Variants in GLP1R observed in about 807,000 individuals in gnomAD.
The protein encoded by GLP1R is glucagon like peptide 1 receptor.
Under a neutral mutation model 68.4 loss-of-function variants are expected in GLP1R, and 32 were observed. The observed-to-expected ratio is 0.47, with a 90% CI of 0.35 to 0.63. The LOEUF is 0.63. Among genes scored for constraint, GLP1R ranks in the 20% least tolerant of loss-of-function variants. The pLI is 0.00. For synonymous variants in GLP1R, 263 were observed against 244.4 expected (o/e 1.08, Z -0.71); for missense variants, 502 against 594.9 (o/e 0.84, Z 1.62).
chr6:39,052,625 G>A (rs1436550333), intron 1 of GLP1R, among the ~76,000 whole-genome samples: 2 of 152,088 alleles, frequency 1.3e-5, no homozygotes, highest in Non-Finnish European at 2.9e-5. Context: ...TTCCTGGGGT[G>A]TTGGAAAGCC....
At position 39,086,188 on chromosome 6, in the gene GLP1R, CACACACACACACACACAT is replaced by C. The variant is rs1769141979; in HGVS notation, c.*119_*136del. Reference sequence around the variant, plus strand: ...AGGGACACACACACACACACACACACACACACACACACACACATACATCCTGCTTTCCCTCCCCAAACC... The same window carrying C: ...AGGGACACACACACACACACACACACACATCCTGCTTTCCCTCCCCAAACC... On this transcript the variant is annotated 3_prime_UTR_variant, in exon 13 of 13. Coordinates refer to ENST00000373256, the MANE Select transcript of GLP1R (RefSeq NM_002062.5). This position sits in a 1 kb window ranked among gnomAD's most constrained non-coding sequence, Gnocchi z 4.5. 4 of 712,916 alleles carry C rather than the reference CACACACACACACACACAT, an allele frequency of 5.6e-6. No homozygotes were observed. The highest frequency in any genetic ancestry group is 5.5e-5 in the East Asian group (2 of 36,502). 44.2% of individuals were successfully genotyped at this position (712,916 alleles called of 1,614,324 possible). A position where few individuals can be genotyped will look rare whatever the true frequency, so the allele number is the denominator to read the frequency against.
Position 39,048,796 on chromosome 6 carries a change from C to G in GLP1R, c.-45C>G. ...CCAGCCCGGGATCAGTCTCCGCACG[C>G]GGTTCCGCAGGTGGCAGCGATGGCC... On this transcript the variant is annotated 5_prime_UTR_variant, in exon 1 of 13. Transcript: ENST00000373256. 1 of 901,402 alleles carries G rather than the reference C, an allele frequency of 1.1e-6. No individual in the cohort carries two copies. The highest frequency in any genetic ancestry group is 1.7e-6 in the Non-Finnish European group (1 of 585,282). 55.8% of individuals were successfully genotyped at this position (901,402 alleles called of 1,614,324 possible). A position where few individuals can be genotyped will look rare whatever the true frequency, so the allele number is the denominator to read the frequency against.
intron 3 of GLP1R, among the ~76,000 whole-genome samples, chr6:39,061,334 T>G (rs1239421622): frequency 1.3e-5 from 2 of 152,198 alleles, no homozygotes; most frequent in African/African-American, 2.4e-5. Flanking sequence ...GCAGCCTCGT[T>G]TACCCACAAA....
At position 39,060,038 on chromosome 6, in the gene GLP1R, T is replaced by C. The variant is rs111485650; in HGVS notation, c.283+2459T>C. On this transcript the variant is annotated intron_variant, in intron 3 of 12. Transcript: ENST00000373256. ...CTAATTTACTCCCTTTTTTGACACTTGGAATCACCGACTCTGCTGCCCTCT... is the reference window on the plus strand; with the variant it reads ...CTAATTTACTCCCTTTTTTGACACTCGGAATCACCGACTCTGCTGCCCTCT... Among the ~76,000 whole-genome samples, 494 of 152,194 alleles carry C rather than the reference T, an allele frequency of 3.2e-3. 5 individuals are homozygous for C. The highest frequency in any genetic ancestry group is 0.017 in the Middle Eastern group (5 of 294).
chr6:39,080,494 G>A (rs1382605958), intron 11 of GLP1R, among the ~76,000 whole-genome samples: 1 of 152,234 alleles, frequency 6.6e-6, no homozygotes, highest in East Asian at 1.9e-4. Context: ...CCTGTAGCCA[G>A]GCCTAGTCGC....
chr6:39,059,020 C>T lies in GLP1R; in HGVS notation c.283+1441C>T, dbSNP rs10305450. On this transcript the variant is annotated intron_variant, in intron 3 of 12. Coordinates refer to ENST00000373256, the MANE Select transcript of GLP1R (RefSeq NM_002062.5). The stretch of plus-strand genomic sequence containing the variant: ...GCCCAATGTAAGCTTCACCTTGGCA[C>T]GTGGGACTGAAGTCAGATGAGGCCC... Among the ~76,000 whole-genome samples, 947 of 152,278 alleles carry T rather than the reference C, an allele frequency of 6.2e-3. 9 individuals are homozygous for T. Among genetic ancestry groups the T allele is most frequent in the African/African-American group, 0.022 (915 of 41,550 alleles).
Position 39,066,289 on chromosome 6 carries a change from C to A in GLP1R, c.495C>A (p.Ile165=), listed in dbSNP as rs201911640. 6.2e-7 allele frequency: 1 copy of A among 1,602,996 alleles called. No homozygotes were observed. Among genetic ancestry groups the A allele is most frequent in the Non-Finnish European group, 8.5e-7 (1 of 1,169,860 alleles). Residue 165 remains isoleucine, a synonymous_variant, in exon 5 of 13, where the codon ATC becomes ATA. Transcript: ENST00000373256. ...SFSALVIASA[I]LLGFRHLHCT... ...CTGCTCTGGTTATCGCCTCTGCGAT[C>A]CTCCTCGGCTTCAGGTAAGGTGGCC... is the stretch of plus-strand genomic sequence containing the variant.
chr6:39,077,223 C>G (rs1444663785), intron 7 of GLP1R, among the ~76,000 whole-genome samples: 1 of 152,198 alleles, frequency 6.6e-6, no homozygotes, highest in African/African-American at 2.4e-5. Context: ...CATATAGAAA[C>G]TTCCTTCTTG....
intron 7 of GLP1R, among the ~76,000 whole-genome samples, chr6:39,074,576 AC>A (rs1351657585): frequency 1.3e-5 from 2 of 151,654 alleles, no homozygotes; most frequent in Non-Finnish European, 2.9e-5. Context: ...CCTGTTCCAC[AC>A]CATCCCCCGC....
At chr6:39,077,497 C>T (rs921854356) in intron 7 of GLP1R, among the ~76,000 whole-genome samples, 8 of 152,180 alleles carry the variant, frequency 5.3e-5, no homozygotes, top group African/African-American at 1.7e-4. Flanking sequence ...CTGGTTTCCC[C>T]CAGAGCAAGT....
rs770044835 is a variant in GLP1R at position 39,086,067 on chromosome 6, C to CAGCTGAG, written c.1388_*2dup. 8.7e-6 allele frequency: 14 copies of CAGCTGAG among 1,613,606 alleles called. No individual in the cohort carries two copies. The highest frequency in any genetic ancestry group is 1.0e-5 in the Non-Finnish European group (12 of 1,179,822). On this transcript the variant is annotated stop_gained and frameshift_variant, in exon 13 of 13. Transcript: ENST00000373256. LOFTEE classifies it high-confidence loss of function. The surrounding 1 kb of genome is among the most constrained non-coding windows in gnomAD (Gnocchi z 4.5). ...ACACAGCCACTTGCCAGGCCTCCTG[C>CAGCTGAG]AGCTGAGACTCCAGCGCCTGCCCTC...
intron 8 of GLP1R, among the ~76,000 whole-genome samples, 189 bp from the exon 9 acceptor site, chr6:39,078,768 G>C (rs2277110): frequency 4.6e-5 from 7 of 152,094 alleles, no homozygotes; most frequent in Admixed American, 2.0e-4. Context: ...TGGACTATGC[G>C]TGTGTGTTGT....
At chr6:39,061,486 ACT>A (rs1457136386) in intron 3 of GLP1R, among the ~76,000 whole-genome samples, 1 of 152,118 alleles carries the variant, frequency 6.6e-6, no homozygotes, top group African/African-American at 2.4e-5. Flanking sequence ...GTTCTTGGAA[ACT>A]CTGGCGGGTG....
chr6:39,085,414 G>A (rs534067408), intron 12 of GLP1R, among the ~76,000 whole-genome samples: 6 of 152,276 alleles, frequency 3.9e-5, no homozygotes, highest in African/African-American at 1.4e-4. Flanking sequence ...CTCCTCCCCT[G>A]TGAGGTGCTG....
In GLP1R at chr6:39,075,628, T is replaced by C. The variant is rs1354990989; in HGVS notation, c.823+1859T>C. Among the ~76,000 whole-genome samples the C allele has an allele frequency of 2.0e-5, 3 of 152,212 alleles. No individual in the cohort carries two copies. In the East Asian group the frequency reaches 5.8e-4, roughly 30 times the overall value. ...ACCCTGCTCTAATCAGAACACCTTT[T>C]TCTTGAGGATTGGGGTGGGGGAGAC... On this transcript the variant is annotated intron_variant, in intron 7 of 12. Coordinates refer to ENST00000373256, the MANE Select transcript of GLP1R (RefSeq NM_002062.5).
At chr6:39,073,516 T>C (rs1486452765) in intron 6 of GLP1R, 94 bp from the exon 7 acceptor site, 4 of 1,074,994 alleles carry the variant, frequency 3.7e-6, no homozygotes, top group East Asian at 4.7e-5. Flanking sequence ...GCATTAACCA[T>C]GGCAGGATAG....
At chr6:39,072,751 C>T (rs1768709402) in intron 5 of GLP1R, 111 bp from the exon 6 acceptor site, 3 of 883,194 alleles carry the variant, frequency 3.4e-6, no homozygotes, top group Admixed American at 2.2e-5. Flanking sequence ...GACACACGCA[C>T]AGTCCCAGGG....
intron 5 of GLP1R, among the ~76,000 whole-genome samples, chr6:39,070,691 G>A (rs941373929): frequency 6.6e-6 from 1 of 152,154 alleles, no homozygotes; most frequent in African/African-American, 2.4e-5. Flanking sequence ...GCATATTCCA[G>A]ATTCCCAAAG....
At chr6:39,068,765 A>G (rs1279359836) in intron 5 of GLP1R, among the ~76,000 whole-genome samples, 1 of 152,058 alleles carries the variant, frequency 6.6e-6, no homozygotes, top group Non-Finnish European at 1.5e-5. Context: ...CTGGGCAGTG[A>G]CTTCCAATGC....
Sources: gnomAD v4.1 joint callset for allele counts (sites outside exome capture counted in the v4.1 genomes callset) on GRCh38, gnomAD v4.1.1 for gene constraint, Gnocchi (gnomAD v3.1) non-coding constraint, MANE v1.5 for transcripts, NCBI Gene and HGNC (gene_info 2026-07-23, HGNC 2026-07-21) for gene names.